The following CDH7 variants were observed in gnomAD, a reference collection of about 807,000 sequenced individuals.
The protein encoded by CDH7 is cadherin 7.
A neutral mutation model predicts 71.8 loss-of-function variants in CDH7; 25 were observed. The ratio of observed to expected loss-of-function variants is 0.35; its 90% confidence interval spans 0.25 to 0.49. The LOEUF (loss-of-function observed/expected upper bound fraction) is 0.49. CDH7 is among the 20% of genes least tolerant of loss of function. The pLI, the probability that CDH7 is intolerant of heterozygous loss-of-function variation, is 0.99. For missense variants in CDH7, 862 were observed against 974.6 expected, an observed-to-expected ratio of 0.88 and a Z score of 1.54; for synonymous variants, 381 against 363.8, an observed-to-expected ratio of 1.05 and a Z score of -0.54.
chr18:65,866,315 C>CAAAAAAAAAAAAAAAAA (rs1568228989), intron 11 of CDH7: 4 of 1,364 alleles, frequency 2.9e-3, no homozygotes, highest in Non-Finnish European at 5.2e-3. Flanking sequence ...AAAAAAAAAA[C>CAAAAAAAAAAAAAAAAA]AAAAAAAAAA....
intron 11 of CDH7, among the ~76,000 whole-genome samples, chr18:65,869,326 A>G (rs948241748): frequency 1.1e-4 from 17 of 151,814 alleles, no homozygotes; most frequent in African/African-American, 3.9e-4. Flanking sequence ...TGGGATTTTG[A>G]AACACCGCAG....
At chr18:65,873,900 C>A (rs2144059888) in intron 11 of CDH7, among the ~76,000 whole-genome samples, 1 of 152,198 alleles carries the variant, frequency 6.6e-6, no homozygotes, top group East Asian at 1.9e-4. Flanking sequence ...ATATTTAATT[C>A]ATTCTATAAT....
chr18:65,882,773 A>G lies in CDH7; in HGVS notation c.*1879A>G, dbSNP rs535159756. ...TACTGTTCATAACTTTTAATCACAC[A>G]TGCAAGTTTTTCAAACTAAAAAATA... On this transcript the variant is annotated 3_prime_UTR_variant, in exon 12 of 12. Transcript: ENST00000397968. The G allele has an allele frequency of 3.3e-5, 5 of 152,284 alleles. No homozygotes were observed. The highest frequency in any genetic ancestry group is 1.9e-4 in the East Asian group (1 of 5,184). 9.4% of individuals were successfully genotyped at this position (152,284 alleles called of 1,614,324 possible). A position where few individuals can be genotyped will look rare whatever the true frequency, so the allele number is the denominator to read the frequency against.
chr18:65,878,083 G>T (rs568452676), intron 11 of CDH7, among the ~76,000 whole-genome samples: 24 of 152,096 alleles, frequency 1.6e-4, no homozygotes, highest in Non-Finnish European at 3.4e-4. Context: ...ACCATCAAAT[G>T]GGAAAACACC....
chr18:65,820,436 A>G (rs543085610), intron 4 of CDH7, among the ~76,000 whole-genome samples: 1 of 152,260 alleles, frequency 6.6e-6, no homozygotes, highest in East Asian at 1.9e-4. Context: ...TATATACACA[A>G]TTATATAATA....
chr18:65,794,577 G>C (rs1206135460), intron 2 of CDH7, among the ~76,000 whole-genome samples: 1 of 150,892 alleles, frequency 6.6e-6, no homozygotes, highest in Admixed American at 6.6e-5. Flanking sequence ...GGGAGCAAGG[G>C]ACAAGGAGGG....
Position 65,778,529 on chromosome 18 carries a change from C to CTTTTTTTTTTTTTTTTTTTT in CDH7, c.210+15478_210+15497dup, listed in dbSNP as rs1156727313. Reference sequence around the variant, plus strand: ...AATTTTTTGCCCCAGGCGTCTCACTCTTTTTTTTTTTTTTTTTTTTACATA... The same window carrying CTTTTTTTTTTTTTTTTTTTT: ...AATTTTTTGCCCCAGGCGTCTCACTCTTTTTTTTTTTTTTTTTTTTTTTTTTTTTTTTTTTTTTTTACATA... On this transcript the variant is annotated intron_variant, in intron 2 of 11. Transcript: ENST00000397968. 2.7e-3 allele frequency among the ~76,000 whole-genome samples: 228 copies of CTTTTTTTTTTTTTTTTTTTT among 84,234 alleles called. 16 individuals carry two copies. Among genetic ancestry groups the CTTTTTTTTTTTTTTTTTTTT allele is most frequent in the Non-Finnish European group, 3.7e-3 (157 of 42,272 alleles). 55.3% of individuals were successfully genotyped at this position (84,234 alleles called of 152,430 possible). A position where few individuals can be genotyped will look rare whatever the true frequency, so the allele number is the denominator to read the frequency against.
In CDH7 at chr18:65,888,560, C is replaced by A. The variant is rs1914432267; in HGVS notation, c.*7666C>A. The A allele has an allele frequency of 6.6e-6, 1 of 152,034 alleles. No homozygotes were observed. The highest frequency in any genetic ancestry group is 2.4e-5 in the African/African-American group (1 of 41,390). The allele number at this position is 152,034 out of a possible 1,614,324, so 9.4% of individuals were successfully genotyped here. On this transcript the variant is annotated 3_prime_UTR_variant, in exon 12 of 12. Transcript: ENST00000397968. ...AAGTTTGATATTTTCTTCTAAGTGACTGATTTTTAATATAAAAGTATCACA... is the reference window on the plus strand; with the variant it reads ...AAGTTTGATATTTTCTTCTAAGTGAATGATTTTTAATATAAAAGTATCACA...
chr18:65,882,734 A>G lies in CDH7; in HGVS notation c.*1840A>G, dbSNP rs1304269182. On this transcript the variant is annotated 3_prime_UTR_variant, in exon 12 of 12. Coordinates refer to ENST00000397968, the MANE Select transcript of CDH7 (RefSeq NM_004361.5). The stretch of plus-strand genomic sequence containing the variant: ...ATATGCATATATATTTTAAAAAATT[A>G]TAACAGTGAAAGATACTGTTCATAA... 2 of 152,146 alleles carry G rather than the reference A, an allele frequency of 1.3e-5. No homozygotes were observed. The highest frequency in any genetic ancestry group is 2.9e-5 in the Non-Finnish European group (2 of 67,990). The allele number at this position is 152,146 out of a possible 1,614,324, so 9.4% of individuals were successfully genotyped here.
intron 8 of CDH7, 66 bp downstream of exon 8, chr18:65,858,018 G>A: frequency 2.0e-6 from 3 of 1,488,400 alleles, no homozygotes; most frequent in Non-Finnish European, 2.8e-6. Flanking sequence ...ATTGTCATGA[G>A]GTTGTAAATT....
At chr18:65,842,064 T>C (rs1427206814) in intron 6 of CDH7, among the ~76,000 whole-genome samples, 2 of 152,144 alleles carry the variant, frequency 1.3e-5, no homozygotes, top group African/African-American at 4.8e-5. Context: ...AAAAACAATA[T>C]ACTTGACTGT....
At chr18:65,817,445 C>G (rs1459989279) in intron 4 of CDH7, among the ~76,000 whole-genome samples, 1 of 152,134 alleles carries the variant, frequency 6.6e-6, no homozygotes, top group East Asian at 1.9e-4. Context: ...CTTTGATGTT[C>G]CAGAAGCTTC....
intron 7 of CDH7, among the ~76,000 whole-genome samples, chr18:65,845,909 G>A (rs6566182): frequency 0.62 from 94,222 of 151,438 alleles, 31,081 homozygotes; most frequent in East Asian, 0.93. Flanking sequence ...ACTCCAGCCT[G>A]GACAACATAG....
intron 6 of CDH7, among the ~76,000 whole-genome samples, chr18:65,834,321 G>A (rs116312469): frequency 1.9e-3 from 290 of 152,216 alleles, no homozygotes; most frequent in African/African-American, 6.4e-3. Context: ...CATGAATATA[G>A]GTCTGTAGTT....
rs78769985 is a variant in CDH7 at position 65,819,366 on chromosome 18, A to G, written c.626-2715A>G. 2.1e-3 allele frequency among the ~76,000 whole-genome samples: 317 copies of G among 152,246 alleles called. 2 individuals are homozygous for G. The highest frequency in any genetic ancestry group is 7.3e-3 in the African/African-American group (303 of 41,558). ...GCCTGTGAGTTCGCACTGCTCCACA[A>G]AGAGCGGTACCATTTAATAAAAGTT... On this transcript the variant is annotated intron_variant, in intron 4 of 11. Transcript: ENST00000397968.
Position 65,763,039 on chromosome 18 carries a change from T to C in CDH7, c.197T>C (p.Leu66Pro). The C allele has an allele frequency of 1.3e-5, 21 of 1,610,414 alleles. No individual in the cohort carries two copies. Among genetic ancestry groups the C allele is most frequent in the Non-Finnish European group, 1.8e-5 (21 of 1,177,530 alleles). ...GAGGAATACATGGGTTCAGACCCCC[T>C]CTATGTAGGAAAGGTAGGGTATTGT... ...VLEEYMGSDP[L>P]YVGKLHSDVD... The change falls in exon 2 of 12, where the codon CTC becomes CCC. Residue 66 changes from leucine (L) to proline (P), a missense_variant. By Grantham distance (98) the Leu-to-Pro change is moderately conservative. Transcript: ENST00000397968.
At chr18:65,867,882 G>T (rs1270706789) in intron 11 of CDH7, among the ~76,000 whole-genome samples, 3 of 152,314 alleles carry the variant, frequency 2.0e-5, no homozygotes, top group African/African-American at 7.2e-5. Context: ...GTCTCCTCCA[G>T]TATGTCTATG....
chr18:65,888,086 A>T lies in CDH7; in HGVS notation c.*7192A>T, dbSNP rs562847582. On this transcript the variant is annotated 3_prime_UTR_variant, in exon 12 of 12. Transcript: ENST00000397968. ...ATGAAGCATAAAACCTGGGGTCAGG[A>T]TGTATGTCCAAACTGAATAGATTAT... 1.3e-5 allele frequency: 2 copies of T among 152,182 alleles called. No homozygotes were observed. Among genetic ancestry groups the T allele is most frequent in the Non-Finnish European group, 2.9e-5 (2 of 68,030 alleles). 9.4% of individuals were successfully genotyped at this position (152,182 alleles called of 1,614,324 possible).
intron 3 of CDH7, among the ~76,000 whole-genome samples, chr18:65,812,520 T>C (rs906551368): frequency 6.6e-6 from 1 of 152,216 alleles, no homozygotes; most frequent in Admixed American, 6.5e-5. Flanking sequence ...AGCCATCAAA[T>C]AGTATGATAT....
Sources: gnomAD v4.1 joint callset for allele counts (sites outside exome capture counted in the v4.1 genomes callset) on GRCh38, gnomAD v4.1.1 for gene constraint, MANE v1.5 for transcripts, NCBI Gene and HGNC (gene_info 2026-07-23, HGNC 2026-07-21) for gene names.